Variants in HMOX1 observed in about 807,000 individuals in gnomAD.
HMOX1 encodes the protein heme oxygenase 1, also known as heat shock protein, 32-kD.
HMOX1 carries 22 observed loss-of-function variants against 27.8 expected under a neutral mutation model. That is an observed-to-expected ratio of 0.79 (90% CI 0.57 to 1.13). The LOEUF is 1.13. HMOX1 is among the 50% of genes most tolerant of loss of function. The pLI, the probability that HMOX1 is intolerant of heterozygous loss-of-function variation, is 0.00. For synonymous variants in HMOX1, 153 were observed against 151.6 expected, an observed-to-expected ratio of 1.01 and a Z score of -0.07; for missense variants, 379 against 377.7, an observed-to-expected ratio of 1.00 and a Z score of -0.03.
chr22:35,393,694 G>A lies in HMOX1; in HGVS notation c.*96G>A, dbSNP rs1344383588. The A allele has an allele frequency of 8.1e-6, 12 of 1,488,928 alleles. No homozygotes were observed. In the Admixed American group the frequency reaches 1.7e-4, roughly 21 times the overall value. The allele number at this position is 1,488,928 out of a possible 1,614,324, so 92.2% of individuals were successfully genotyped here. ...CTCTTGGCTGGCTTCCTTACCGTGG[G>A]CACTGAAGGCTTTCAGGGCCTCCAG... On this transcript the variant is annotated 3_prime_UTR_variant, in exon 5 of 5. Coordinates refer to ENST00000216117, the MANE Select transcript of HMOX1 (RefSeq NM_002133.3).
chr22:35,390,471 C>T (rs564921461), intron 4 of HMOX1, among the ~76,000 whole-genome samples: 4 of 152,038 alleles, frequency 2.6e-5, no homozygotes, highest in Admixed American at 6.5e-5. Flanking sequence ...TCAGGTGATC[C>T]GCCCACCTTG....
intron 2 of HMOX1, 125 bp downstream of exon 2, chr22:35,383,351 T>C (rs1931429802): frequency 9.1e-7 from 1 of 1,095,714 alleles, no homozygotes; most frequent in South Asian, 1.3e-5. Flanking sequence ...TAGAATCATC[T>C]TAAAAATGAT....
intron 3 of HMOX1, 137 bp from the exon 4 acceptor site, chr22:35,389,727 C>T: frequency 1.4e-6 from 1 of 712,572 alleles, no homozygotes; most frequent in South Asian, 1.5e-5. Context: ...AGGGGCGCAC[C>T]ACCGTGTCCG....
chr22:35,387,991 C>T (rs762200500), intron 3 of HMOX1, among the ~76,000 whole-genome samples: 4 of 152,200 alleles, frequency 2.6e-5, no homozygotes, highest in Non-Finnish European at 4.4e-5. Flanking sequence ...GGGCCAGGTG[C>T]AGTGGCTCGC....
chr22:35,387,198 G>A (rs769564844), intron 3 of HMOX1, 22 bp downstream of exon 3: 2 of 1,612,970 alleles, frequency 1.2e-6, no homozygotes, highest in East Asian at 2.2e-5. Context: ...GCAGCCTGGG[G>A]CAGCCTCTGC....
intron 3 of HMOX1, among the ~76,000 whole-genome samples, chr22:35,389,584 A>C (rs925539689): frequency 6.6e-6 from 1 of 151,362 alleles, no homozygotes; most frequent in Admixed American, 6.6e-5. Context: ...CTGGGATTAC[A>C]GGCATGCACC....
rs2145770842 is a variant in HMOX1, at chr22:35,389,896, T to C, written c.669T>C (p.His223=). Residue 223 remains histidine, a synonymous_variant, in exon 4 of 5, where the codon CAT becomes CAC. Transcript: ENST00000216117. ...AGGAGTTGCAGGAGCTGCTGACCCA[T>C]GACACCAAGGACCAGAGCCCCTCAC... The part of the protein sequence containing the change: ...LFEELQELLT[H]DTKDQSPSRA... 12 of 1,611,760 alleles carry C rather than the reference T, an allele frequency of 7.4e-6. No individual in the cohort carries two copies. Among genetic ancestry groups the C allele is most frequent in the Non-Finnish European group, 8.5e-6 (10 of 1,179,634 alleles).
At chr22:35,389,798 C>T (rs1931667003) in intron 3 of HMOX1, 66 bp from the exon 4 acceptor site, 1 of 1,098,682 alleles carries the variant, frequency 9.1e-7, no homozygotes, top group African/African-American at 1.5e-5. Context: ...ACTTAAGGTC[C>T]TACCTTCAGC....
At chr22:35,389,391 C>CCTTCCTTCCTTCCTTCCTTT (rs1931636921) in intron 3 of HMOX1, among the ~76,000 whole-genome samples, 1 of 49,798 alleles carries the variant, frequency 2.0e-5, no homozygotes, top group Non-Finnish European at 3.8e-5. Flanking sequence ...TTCCTTCCTT[C>CCTTCCTTCCTTCCTTCCTTT]CTTCCTTTCT....
chr22:35,389,196 TC>T (rs1931587530), intron 3 of HMOX1, among the ~76,000 whole-genome samples: 2 of 125,486 alleles, frequency 1.6e-5, no homozygotes, highest in Admixed American at 1.5e-4. Flanking sequence ...GAATTTTCTT[TC>T]TTTCTTTCTT....
At chr22:35,384,082 A>ATTTAT (rs1486348438) in intron 2 of HMOX1, among the ~76,000 whole-genome samples, 1 of 151,512 alleles carries the variant, frequency 6.6e-6, no homozygotes, top group African/African-American at 2.4e-5. Context: ...GACATGCTTT[A>ATTTAT]TTTATTTTAT....
intron 1 of HMOX1, chr22:35,381,425 G>C (rs1931386454): frequency 1.7e-6 from 1 of 603,650 alleles, no homozygotes; most frequent in South Asian, 2.0e-5. Flanking sequence ...TGGTGACCAA[G>C]ATGGGAGTGT....
intron 3 of HMOX1, 114 bp downstream of exon 3, chr22:35,387,290 T>C (rs572633484): frequency 8.0e-7 from 1 of 1,254,596 alleles, no homozygotes; most frequent in African/African-American, 1.5e-5. Context: ...GGAACCAGAG[T>C]TCCAGCACTG....
Position 35,383,141 on chromosome 22 carries a change from C to G in HMOX1, c.59C>G (p.Ala20Gly). 1 of 1,613,756 alleles carries G rather than the reference C, an allele frequency of 6.2e-7. No individual in the cohort carries two copies. Among genetic ancestry groups the G allele is most frequent in the Non-Finnish European group, 8.5e-7 (1 of 1,179,736 alleles). Residue 20 changes from alanine to glycine, a missense_variant, in exon 2 of 5, where the codon GCC becomes GGC. Physicochemically the swap from Ala to Gly is moderately conservative, Grantham distance 60. Transcript: ENST00000216117. ...PQDLSEALKE[A>G]TKEVHTQAEN... Reference sequence around the variant, plus strand: ...GATTTGTCAGAGGCCCTGAAGGAGGCCACCAAGGAGGTGCACACCCAGGCA... The same window carrying G: ...GATTTGTCAGAGGCCCTGAAGGAGGGCACCAAGGAGGTGCACACCCAGGCA...
chr22:35,381,349 C>G, intron 1 of HMOX1, 153 bp downstream of exon 1: 12 of 851,718 alleles, frequency 1.4e-5, no homozygotes, highest in Non-Finnish European at 2.2e-5. Context: ...TCTGATCCTG[C>G]CTGTGCCCGT....
chr22:35,391,758 T>C (rs1475788324), intron 4 of HMOX1, among the ~76,000 whole-genome samples: 7 of 56,770 alleles, frequency 1.2e-4, no homozygotes, highest in African/African-American at 4.1e-4. Flanking sequence ...CACACCCAGA[T>C]TTTTTTTTTT....
chr22:35,385,509 A>G (rs1931480029), intron 2 of HMOX1, among the ~76,000 whole-genome samples: 1 of 148,880 alleles, frequency 6.7e-6, no homozygotes, highest in African/African-American at 2.5e-5. Context: ...ATATGATCAC[A>G]GCTCACTGCA....
chr22:35,381,757 C>G (rs1234953819), intron 1 of HMOX1, among the ~76,000 whole-genome samples: 2 of 151,698 alleles, frequency 1.3e-5, no homozygotes, highest in East Asian at 3.9e-4. Context: ...TCCCTTCTTT[C>G]AATAATTTGT....
chr22:35,385,764 T>C (rs1399049503), intron 2 of HMOX1, among the ~76,000 whole-genome samples: 1 of 150,740 alleles, frequency 6.6e-6, no homozygotes, highest in African/African-American at 2.4e-5. Flanking sequence ...TATAGGTGCC[T>C]GCCACCATGC....
Sources: gnomAD v4.1 joint callset for allele counts (sites outside exome capture counted in the v4.1 genomes callset) on GRCh38, gnomAD v4.1.1 for gene constraint, MANE v1.5 for transcripts, NCBI Gene and HGNC (gene_info 2026-07-23, HGNC 2026-07-21) for gene names.